The following PTPRT variants were observed in gnomAD, a reference collection of about 807,000 sequenced individuals.
PTPRT encodes protein tyrosine phosphatase receptor type T, also known as receptor-type tyrosine-protein phosphatase T.
In PTPRT, 56 loss-of-function variants were observed where a neutral mutation model predicts 176.8. The ratio of observed to expected loss-of-function variants is 0.32; its 90% CI spans 0.26 to 0.40. The LOEUF (loss-of-function observed/expected upper bound fraction) is 0.40, where lower values mean the gene tolerates loss of function less well. Among genes scored for constraint, PTPRT ranks in the 10% least tolerant of loss-of-function variants. The pLI is 1.00. For synonymous variants in PTPRT, 783 were observed against 739.0 expected (o/e 1.06, Z -0.96); for missense variants, 1,540 against 1,908.2 (o/e 0.81, Z 3.60).
downstream of PTPRT, among the ~76,000 whole-genome samples, chr20:42,071,023 G>A (rs1452751187): frequency 6.6e-6 from 1 of 152,196 alleles, no homozygotes; most frequent in African/African-American, 2.4e-5. Context: ...AAGATAACTA[G>A]CCGGCTGGAC....
chr20:43,136,845 A>G (rs1358782745), intron 1 of PTPRT, among the ~76,000 whole-genome samples: 1 of 152,192 alleles, frequency 6.6e-6, no homozygotes, highest in African/African-American at 2.4e-5. Flanking sequence ...AATTCCCTCC[A>G]GCTGCGGACA....
intron 1 of PTPRT, among the ~76,000 whole-genome samples, chr20:43,137,158 G>A (rs763307008): frequency 2.0e-5 from 3 of 152,154 alleles, no homozygotes; most frequent in Non-Finnish European, 2.9e-5. Flanking sequence ...TCCTCCTGAG[G>A]AGAAGGGAAA....
intron 15 of PTPRT, among the ~76,000 whole-genome samples, chr20:42,219,923 C>T: frequency 6.6e-6 from 1 of 152,190 alleles, no homozygotes; most frequent in East Asian, 1.9e-4. Flanking sequence ...ATATTGGGCA[C>T]TGCTAAGCAC....
chr20:43,166,642 G>A (rs937187854), intron 1 of PTPRT, among the ~76,000 whole-genome samples: 6 of 152,058 alleles, frequency 3.9e-5, no homozygotes, highest in East Asian at 1.9e-4. Context: ...CATGAGTACC[G>A]GCATTTTCAC....
In PTPRT at chr20:43,050,430, C is replaced by T. The variant is rs1020645742; in HGVS notation, c.88+139216G>A. ...AGGCCCGGATTGGTGCTGAGCAAGG[C>T]CACGGCCACCCAGGCAGGGCGTTCA... On this transcript the variant is annotated intron_variant, in intron 1 of 30. Transcript: ENST00000373187. 3.9e-5 allele frequency among the ~76,000 whole-genome samples: 6 copies of T among 152,192 alleles called. No individual in the cohort carries two copies. The South Asian group carries it at 1.2e-3, about 31-fold the overall frequency.
chr20:42,996,281 T>C (rs370965786), intron 1 of PTPRT, among the ~76,000 whole-genome samples: 12 of 152,288 alleles, frequency 7.9e-5, no homozygotes, highest in African/African-American at 2.9e-4. Flanking sequence ...AGCAATCAGC[T>C]GAAGTACCCA....
intron 3 of PTPRT, among the ~76,000 whole-genome samples, chr20:42,783,767 G>A (rs2077249220): frequency 6.6e-6 from 1 of 152,204 alleles, no homozygotes; most frequent in Non-Finnish European, 1.5e-5. Context: ...GGCCCTTGAG[G>A]AATCAAAGTC....
chr20:42,380,689 G>A (rs972034859), intron 9 of PTPRT, among the ~76,000 whole-genome samples: 8 of 152,182 alleles, frequency 5.3e-5, no homozygotes, highest in Admixed American at 2.0e-4. Flanking sequence ...GCTGTCTTGA[G>A]CGTGTTTTTG....
At chr20:42,411,513 G>A (rs2059016849) in intron 9 of PTPRT, among the ~76,000 whole-genome samples, 1 of 61,470 alleles carries the variant, frequency 1.6e-5, no homozygotes, top group Non-Finnish European at 2.9e-5. Context: ...GCTAAACCCT[G>A]TCTCAAAAAA....
intron 1 of PTPRT, among the ~76,000 whole-genome samples, chr20:42,949,731 A>T (rs1981114561): frequency 6.6e-6 from 1 of 152,228 alleles, no homozygotes; most frequent in Non-Finnish European, 1.5e-5. Flanking sequence ...CTTGTTATGC[A>T]GCAAAGATAA....
intron 1 of PTPRT, among the ~76,000 whole-genome samples, chr20:42,891,844 C>A (rs183292310): frequency 2.1e-4 from 32 of 152,284 alleles, no homozygotes; most frequent in Admixed American, 5.9e-4. Context: ...GTAGGTGACT[C>A]AAACACCACC....
chr20:43,073,238 A>C (rs1406068104), intron 1 of PTPRT, among the ~76,000 whole-genome samples: 1 of 152,234 alleles, frequency 6.6e-6, no homozygotes, highest in Non-Finnish European at 1.5e-5. Flanking sequence ...TAACTGTTAA[A>C]TATACAATGG....
chr20:42,758,977 A>G (rs75899529), intron 5 of PTPRT, among the ~76,000 whole-genome samples: 3,026 of 152,306 alleles, frequency 0.02, 93 homozygotes, highest in African/African-American at 0.07. Flanking sequence ...AGAACCTAGG[A>G]GACACCACAT....
intron 1 of PTPRT, among the ~76,000 whole-genome samples, chr20:43,136,150 G>A (rs1048754745): frequency 3.3e-5 from 5 of 152,110 alleles, no homozygotes; most frequent in East Asian, 1.9e-4. Flanking sequence ...GCTGCAGCCC[G>A]GCTTTAGCAC....
chr20:42,651,917 G>A (rs1172720899), intron 7 of PTPRT, among the ~76,000 whole-genome samples: 2 of 152,026 alleles, frequency 1.3e-5, no homozygotes, highest in East Asian at 1.9e-4. Context: ...GCTTGGTGGT[G>A]TGTGCCTGCA....
chr20:42,378,558 A>G (rs1181026336), intron 9 of PTPRT, among the ~76,000 whole-genome samples: 3 of 152,182 alleles, frequency 2.0e-5, no homozygotes, highest in African/African-American at 7.2e-5. Flanking sequence ...ACAACCCTGT[A>G]ATCCCAAAAC....
chr20:42,186,431 T>C (rs1990785724), intron 16 of PTPRT, among the ~76,000 whole-genome samples: 1 of 151,672 alleles, frequency 6.6e-6, no homozygotes, highest in African/African-American at 2.4e-5. Context: ...CCACAGGACC[T>C]TTGACCATGC....
At chr20:42,696,816 G>T (rs2146142229) in intron 6 of PTPRT, among the ~76,000 whole-genome samples, 1 of 152,236 alleles carries the variant, frequency 6.6e-6, no homozygotes, top group African/African-American at 2.4e-5. Flanking sequence ...CTTGGGAGCA[G>T]ATCCTATCCT....
chr20:42,652,233 G>C (rs961752965), intron 7 of PTPRT, among the ~76,000 whole-genome samples: 1 of 152,208 alleles, frequency 6.6e-6, no homozygotes, highest in East Asian at 1.9e-4. Context: ...CAGGATACTT[G>C]GAGAGATTCC....
Sources: gnomAD v4.1 joint callset for allele counts (sites outside exome capture counted in the v4.1 genomes callset) on GRCh38, gnomAD v4.1.1 for gene constraint, MANE v1.5 for transcripts, NCBI Gene and HGNC (gene_info 2026-07-23, HGNC 2026-07-21) for gene names.